KRT40: variants seen among roughly 807,000 people sequenced by gnomAD.
KRT40 encodes the protein keratin, type I cytoskeletal 40.
KRT40 carries 47 observed loss-of-function variants against 43.5 expected under a neutral mutation model. That is an observed-to-expected ratio of 1.08 (90% CI 0.86 to 1.38). The LOEUF is 1.38. Ranked by LOEUF, KRT40 falls within the 40% of genes most tolerant of loss-of-function variation. The probability of loss-of-function intolerance (pLI) is 0.00; values close to 1 mark genes in which losing one functional copy is unlikely to be tolerated. For missense variants in KRT40, 573 were observed against 523.6 expected, an observed-to-expected ratio of 1.09 and a Z score of -0.92; for synonymous variants, 212 against 214.0, an observed-to-expected ratio of 0.99 and a Z score of 0.08.
At chr17:40,984,458 G>A (rs971407408), upstream of KRT40, 8 of 589,424 alleles carry the variant, frequency 1.4e-5, no homozygotes, top group African/African-American at 3.7e-5. Context: ...TATTTACTGA[G>A]GAAGAGTTTT....
chr17:40,983,939 T>C lies in KRT40; in HGVS notation c.335A>G (p.Glu112Gly). The C allele has an allele frequency of 6.2e-7, 1 of 1,614,128 alleles. No homozygotes were observed. Among genetic ancestry groups the C allele is most frequent in the Non-Finnish European group, 8.5e-7 (1 of 1,180,014 alleles). Residue 112 changes from glutamate to glycine, a missense_variant, in exon 1 of 7, where the codon GAG (glutamate) becomes GGG (glycine). Transcript: ENST00000377755. ...CCTGGATTCCAGCTCTGCGTTGGTC[T>C]CCTCCAGGCTGCGCACCTTCTCCAG... ...SYLEKVRSLE[E>G]TNAELESRIQ...
upstream of KRT40, among the ~76,000 whole-genome samples, chr17:40,984,530 G>A (rs766826849): frequency 6.6e-6 from 1 of 152,134 alleles, no homozygotes; most frequent in Non-Finnish European, 1.5e-5. Flanking sequence ...ATTTCCATGT[G>A]CAAGACAAAA....
Position 40,980,998 on chromosome 17 carries a change from C to G in KRT40, c.841G>C (p.Ala281Pro). ...TCAATCTGGGTACTGACCTGAACAG[C>G]CAACCATTCTTCAGCTTCTCTGCGA... ...NNRREAEEWL[A>P]VQTEELNQQQ... The change falls in exon 4 of 7, where the codon GCT becomes CCT. Residue 281 changes from alanine (A) to proline (P), a missense_variant. By Grantham distance (27) the Ala-to-Pro change is conservative. Transcript: ENST00000377755. 1 of 1,614,238 alleles carries G rather than the reference C, an allele frequency of 6.2e-7. No homozygotes were observed. Among genetic ancestry groups the G allele is most frequent in the Non-Finnish European group, 8.5e-7 (1 of 1,180,052 alleles).
Position 40,979,840 on chromosome 17 carries a change from G to A in KRT40, c.976-816C>T, listed in dbSNP as rs546952540. ...TTTTCATGTTGGACAGCAGAGAAGT[G>A]TGACTACAGTTAACAACAATACACT... is the stretch of plus-strand genomic sequence containing the variant. On this transcript the variant is annotated intron_variant, in intron 5 of 6. Coordinates refer to ENST00000377755, the MANE Select transcript of KRT40 (RefSeq NM_001389244.1). 3.9e-5 allele frequency among the ~76,000 whole-genome samples: 6 copies of A among 152,230 alleles called. No homozygotes were observed. The South Asian group carries it at 6.2e-4, about 16-fold the overall frequency.
chr17:40,980,022 G>A (rs544605123), intron 5 of KRT40, among the ~76,000 whole-genome samples: 5 of 152,094 alleles, frequency 3.3e-5, no homozygotes, highest in East Asian at 1.9e-4. Flanking sequence ...AAAAATTTAC[G>A]CATATTATAT....
chr17:40,983,229 T>C (rs1912281270), intron 1 of KRT40, 101 bp from the exon 2 acceptor site: 1 of 562,080 alleles, frequency 1.8e-6, no homozygotes, highest in African/African-American at 2.0e-5. Flanking sequence ...AAAGTCTTTA[T>C]AAGAAAGTAT....
chr17:40,982,345 T>C lies in KRT40; in HGVS notation c.649A>G (p.Lys217Glu). 6.2e-7 allele frequency: 1 copy of C among 1,602,230 alleles called. No homozygotes were observed. Among genetic ancestry groups the C allele is most frequent in the South Asian group, 1.1e-5 (1 of 89,052 alleles). ...SDLEAHVESLKEDLLCLKKNH... is the reference protein window; with the variant it reads ...SDLEAHVESLEEDLLCLKKNH... ...TTCTTAAGGCAAAGGAGATCTTCCT[T>C]CAGAGACTCCACATGGGCCTCCAGA... The change falls in exon 3 of 7, where the codon AAG becomes GAG. Residue 217 changes from lysine (K) to glutamate (E), a missense_variant. Transcript: ENST00000377755.
In KRT40 at chr17:40,984,187, C is replaced by T. The variant is rs1442301292; in HGVS notation, c.87G>A (p.Val29=). 4.3e-6 allele frequency: 7 copies of T among 1,614,054 alleles called. No individual in the cohort carries two copies. The Admixed American group carries it at 6.7e-5, about 15-fold the overall frequency. Residue 29 remains valine (V), a synonymous_variant, in exon 1 of 7, where the codon GTG becomes GTA. Transcript: ENST00000377755. ...SGCAPASSCS[V]ETACLPGTCA... ...AGGTACCGGGGAGACAAGCTGTTTCCACGGAGCAGCTTGAGGCAGGTGCAC... is the reference window on the plus strand; with the variant it reads ...AGGTACCGGGGAGACAAGCTGTTTCTACGGAGCAGCTTGAGGCAGGTGCAC...
intron 3 of KRT40, among the ~76,000 whole-genome samples, chr17:40,981,523 A>G (rs1347770496): frequency 2.0e-5 from 3 of 152,216 alleles, no homozygotes; most frequent in Non-Finnish European, 4.4e-5. Flanking sequence ...TTCATTTTCT[A>G]GCTTTATCAA....
chr17:40,986,293 A>G (rs1368374650), upstream of KRT40: 1 of 152,380 alleles, frequency 6.6e-6, no homozygotes, highest in Non-Finnish European at 1.5e-5. Context: ...CAGGTAATGT[A>G]TAAGACTCAC....
In KRT40 at chr17:40,980,878, G is replaced by C. The variant is rs1295912254; in HGVS notation, c.882C>G (p.Ser294Arg). 1.2e-6 allele frequency: 2 copies of C among 1,613,970 alleles called. No homozygotes were observed. The highest frequency in any genetic ancestry group is 1.3e-5 in the African/African-American group (1 of 75,008). The change falls in exon 5 of 7, where the codon AGC becomes AGG. Residue 294 changes from serine to arginine, a missense_variant. Ser to Arg is a moderately radical substitution (Grantham distance 110). Coordinates refer to ENST00000377755, the MANE Select transcript of KRT40 (RefSeq NM_001389244.1). ...TCTGGCAGCCCTGCAGCTGCTCCGC[G>C]CTGGACAGTTGCTGCTGATTCAGCT... ...TEELNQQQLS[S>R]AEQLQGCQME...
At chr17:40,983,784 C>A in intron 1 of KRT40, 43 bp downstream of exon 1, 1 of 1,579,444 alleles carries the variant, frequency 6.3e-7, no homozygotes, top group Admixed American at 1.7e-5. Flanking sequence ...TAAAGCAAAC[C>A]ATAGATCAGG....
chr17:40,986,368 C>A (rs1268628040), upstream of KRT40: 1 of 152,426 alleles, frequency 6.6e-6, no homozygotes, highest in Non-Finnish European at 1.5e-5. Context: ...TATCACCAGA[C>A]CTTCAGCTGA....
upstream of KRT40, among the ~76,000 whole-genome samples, chr17:40,985,189 TG>T (rs1912409920): frequency 6.6e-6 from 1 of 152,198 alleles, no homozygotes; most frequent in African/African-American, 2.4e-5. Flanking sequence ...ATGTAGAGCC[TG>T]TTTTCTCCTA....
At position 40,983,874 on chromosome 17, in the gene KRT40, G is replaced by T; in HGVS notation, c.400C>A (p.Pro134Thr). 1 of 1,614,082 alleles carries T rather than the reference G, an allele frequency of 6.2e-7. No homozygotes were observed. The highest frequency in any genetic ancestry group is 1.7e-5 in the Admixed American group (1 of 60,012). ...QCEQDIPMVC[P>T]DYQRYFNTIE... is the part of the protein sequence containing the mutation. Reference sequence around the variant, plus strand: ...GTGTTGAAGTAACGCTGATAATCCGGGCACACCATTGGGATATCCTGTTCA... The same window carrying T: ...GTGTTGAAGTAACGCTGATAATCCGTGCACACCATTGGGATATCCTGTTCA... The change falls in exon 1 of 7, where the codon CCG becomes ACG. Residue 134 changes from proline (P) to threonine (T), a missense_variant. Pro to Thr is a conservative substitution (Grantham distance 38, BLOSUM62 -1). Transcript: ENST00000377755.
At position 40,978,964 on chromosome 17, in the gene KRT40, G is replaced by A. The variant is rs1440828688; in HGVS notation, c.1036C>T (p.Gln346Ter). The change falls in exon 6 of 7, where the codon CAA (glutamine) becomes TAA (stop). Residue 346 changes from glutamine to a stop codon, truncating the protein, a stop_gained. Transcript: ENST00000377755. LOFTEE classifies it high-confidence loss of function. The stretch of plus-strand genomic sequence containing the variant: ...AGGTTATCGATCAGACACTGAATTT[G>A]GGCCAGCTGGGAGCTGTACTGGGCC... ...TEAQYSSQLA[Q>*]IQCLIDNLEN... The A allele has an allele frequency of 3.1e-6, 5 of 1,613,974 alleles. No homozygotes were observed. The highest frequency in any genetic ancestry group is 1.3e-5 in the African/African-American group (1 of 74,900).
chr17:40,984,476 A>C (rs367891298), upstream of KRT40, among the ~76,000 whole-genome samples: 4 of 152,346 alleles, frequency 2.6e-5, no homozygotes, highest in South Asian at 8.3e-4. Flanking sequence ...TTTATGCCTC[A>C]TAAAATAGGG....
At chr17:40,984,738 A>C (rs1047535253), upstream of KRT40, among the ~76,000 whole-genome samples, 4 of 152,162 alleles carry the variant, frequency 2.6e-5, no homozygotes, top group African/African-American at 9.7e-5. Flanking sequence ...CAAAATGACA[A>C]TTATTTGTTT....
At position 40,978,946 on chromosome 17, in the gene KRT40, C is replaced by T. The variant is rs779513103; in HGVS notation, c.1054G>A (p.Asp352Asn). The T allele has an allele frequency of 1.1e-5, 18 of 1,614,128 alleles. No individual in the cohort carries two copies. Among genetic ancestry groups the T allele is most frequent in the Admixed American group, 5.0e-5 (3 of 60,016 alleles). ...TCGGCCAGCTGGTTCTCCAGGTTAT[C>T]GATCAGACACTGAATTTGGGCCAGC... ...SQLAQIQCLI[D>N]NLENQLAEIR... The change falls in exon 6 of 7, where the codon GAT (aspartate) becomes AAT (asparagine). Residue 352 changes from aspartate to asparagine, a missense_variant. Asp to Asn is a conservative substitution (Grantham distance 23). Transcript: ENST00000377755.
Sources: allele counts gnomAD v4.1 joint callset (sites outside exome capture counted in the v4.1 genomes callset), GRCh38; gene constraint gnomAD v4.1.1; transcripts MANE v1.5; gene names NCBI Gene and HGNC (gene_info 2026-07-23, HGNC 2026-07-21).